NR4A2: variants seen among roughly 807,000 people sequenced by gnomAD.
NR4A2 encodes the protein NGFI-B/nur77 beta-type transcription factor homolog.
NR4A2 carries 1 observed loss-of-function variant against 50.5 expected under a neutral mutation model. That is an observed-to-expected ratio of 0.02 (90% CI 0.01 to 0.09). The LOEUF (loss-of-function observed/expected upper bound fraction) is 0.09. Among genes scored for constraint, NR4A2 ranks in the 10% least tolerant of loss-of-function variants. The pLI, the probability that NR4A2 is intolerant of heterozygous loss-of-function variation, is 1.00. For missense variants in NR4A2, 613 were observed against 777.3 expected (o/e 0.79, Z 2.51); for synonymous variants, 328 against 309.4 (o/e 1.06, Z -0.63).
intron 1 of NR4A2, chr2:156,331,685 T>C (rs1048008797): frequency 5.3e-5 from 8 of 152,214 alleles, no homozygotes; most frequent in Non-Finnish European, 1.2e-4. Flanking sequence ...GACAATCTTA[T>C]TACTAATGAA....
rs1314596997 is a variant in NR4A2, at chr2:156,328,878, AATG to A, written c.865-348_865-346del. 1.3e-5 allele frequency among the ~76,000 whole-genome samples: 2 copies of A among 152,154 alleles called. No homozygotes were observed. The highest frequency in any genetic ancestry group is 2.4e-5 in the African/African-American group (1 of 41,426). On this transcript the variant is annotated intron_variant, in intron 3 of 7. Transcript: ENST00000339562. The surrounding 1 kb of genome is among the most constrained non-coding windows in gnomAD (Gnocchi z 4.9). ...TTCCTTGGAGACCTTCTCTATTTAA[AATG>A]ATAAGATTATTCAATCAGGATGGCG...
rs1322727614 is a variant in NR4A2 at position 156,324,699 on chromosome 2, TTATG to T, written c.*1041_*1044del. The T allele has an allele frequency of 5.9e-5, 9 of 152,446 alleles. No individual in the cohort carries two copies. Among genetic ancestry groups the T allele is most frequent in the Non-Finnish European group, 1.2e-4 (8 of 67,984 alleles). 9.4% of individuals were successfully genotyped at this position (152,446 alleles called of 1,614,324 possible). On this transcript the variant is annotated 3_prime_UTR_variant, in exon 8 of 8. Transcript: ENST00000339562. ...AAAGTGCTCAGTTATTTCCAGGGAG[TTATG>T]TATATTATAAGCACTCTGGAAACAG...
Position 156,330,164 on chromosome 2 carries a change from T to C in NR4A2, c.23A>G (p.Tyr8Cys), listed in dbSNP as rs372210770. MPCVQAQ[Y>C]GSSPQGASPA... is the part of the protein sequence containing the mutation. Reference sequence around the variant, plus strand: ...GCTGGCTCCTTGAGGCGAGGACCCATACTGCGCCTGAACACAAGGCATGGC... The same window carrying C: ...GCTGGCTCCTTGAGGCGAGGACCCACACTGCGCCTGAACACAAGGCATGGC... The change falls in exon 3 of 8, where the codon TAT becomes TGT. Residue 8 changes from tyrosine (Y) to cysteine (C), a missense_variant. This residue lies in a region of NR4A2 where 61 missense variants were observed against 96.4 expected (regional missense o/e 0.63). Transcript: ENST00000339562. 3.1e-6 allele frequency: 5 copies of C among 1,613,996 alleles called. No individual in the cohort carries two copies. The highest frequency in any genetic ancestry group is 1.7e-5 in the Admixed American group (1 of 59,994).
intron 2 of NR4A2, 136 bp from the exon 3 acceptor site, chr2:156,330,324 A>C: frequency 1.9e-6 from 2 of 1,032,320 alleles, no homozygotes; most frequent in Non-Finnish European, 2.9e-6. Flanking sequence ...GAAAGGCAGG[A>C]GAGAGAGAAT....
At position 156,329,720 on chromosome 2, in the gene NR4A2, T is replaced by A. The variant is rs554983764; in HGVS notation, c.467A>T (p.Tyr156Phe). 6.2e-7 allele frequency: 1 copy of A among 1,613,960 alleles called. No homozygotes were observed. Among genetic ancestry groups the A allele is most frequent in the South Asian group, 1.1e-5 (1 of 91,078 alleles). ...CTCGATCATGTGCGTAGTGGCCACG[T>A]AGTTCTGGTGGAAGTTGTGGAGAGA... is the stretch of plus-strand genomic sequence containing the variant. The part of the protein sequence containing the change: ...PGSLHNFHQN[Y>F]VATTHMIEQR... Residue 156 changes from tyrosine to phenylalanine, a missense_variant, in exon 3 of 8, where the codon TAC (tyrosine) becomes TTC (phenylalanine). By Grantham distance (22) the Tyr-to-Phe change is conservative. This residue lies in a region of NR4A2 where 275 missense variants were observed against 248.9 expected (regional missense o/e 1.10). Transcript: ENST00000339562. The surrounding 1 kb of genome is among the most constrained non-coding windows in gnomAD (Gnocchi z 7.5).
chr2:156,325,749 A>G lies in NR4A2; in HGVS notation c.1792T>C (p.Phe598Leu). 6.2e-7 allele frequency: 1 copy of G among 1,614,120 alleles called. No individual in the cohort carries two copies. The highest frequency in any genetic ancestry group is 8.5e-7 in the Non-Finnish European group (1 of 1,180,038). ...IDKLFLDTLP[F>L] Reference sequence around the variant, plus strand: ...GAAGTGCTTGGGAGGAGGTCTTAGAAAGGTAAAGTGTCCAGGAAAAGTTTG... The same window carrying G: ...GAAGTGCTTGGGAGGAGGTCTTAGAGAGGTAAAGTGTCCAGGAAAAGTTTG... Residue 598 changes from phenylalanine to leucine, a missense_variant, in exon 8 of 8, where the codon TTC (phenylalanine) becomes CTC (leucine). This residue lies in a region of NR4A2 where 250 missense variants were observed against 311.3 expected (regional missense o/e 0.80). Transcript: ENST00000339562.
At position 156,328,083 on chromosome 2, in the gene NR4A2, C is replaced by G; in HGVS notation, c.995-69G>C. On this transcript the variant is annotated intron_variant, in intron 4 of 7. Transcript: ENST00000339562. The surrounding 1 kb of genome is among the most constrained non-coding windows in gnomAD (Gnocchi z 4.9). ...GCCCAGCTGCTGCCTCGGTCCCTCC[C>G]CGGGGAAGGCCGCAGCCGCGGGGCA... 6.4e-7 allele frequency: 1 copy of G among 1,554,056 alleles called. No individual in the cohort carries two copies. The highest frequency in any genetic ancestry group is 8.7e-7 in the Non-Finnish European group (1 of 1,147,062).
At position 156,326,388 on chromosome 2, in the gene NR4A2, T is replaced by A; in HGVS notation, c.1362-60A>T. 1.4e-6 allele frequency: 2 copies of A among 1,456,276 alleles called. No homozygotes were observed. Among genetic ancestry groups the A allele is most frequent in the Non-Finnish European group, 1.9e-6 (2 of 1,036,774 alleles). 90.2% of individuals were successfully genotyped at this position (1,456,276 alleles called of 1,614,324 possible). ...AAGAGAGAGAGAAAAGCTAAACAAC[T>A]AATTACTTGAAGAGCAATAAATGAG... On this transcript the variant is annotated intron_variant, in intron 6 of 7. Transcript: ENST00000339562. This position sits in a 1 kb window ranked among gnomAD's most constrained non-coding sequence, Gnocchi z 4.2.
chr2:156,326,260 C>G lies in NR4A2; in HGVS notation c.1430G>C (p.Arg477Pro). The change falls in exon 7 of 8, where the codon CGT (arginine) becomes CCT (proline). Residue 477 changes from arginine (R) to proline (P), a missense_variant. This residue lies in a region of NR4A2 where 250 missense variants were observed against 311.3 expected (regional missense o/e 0.80). Transcript: ENST00000339562. The surrounding 1 kb of genome is among the most constrained non-coding windows in gnomAD (Gnocchi z 4.2). ...GVVLHRLQCV[R>P]GFGEWIDSIV... The stretch of plus-strand genomic sequence containing the variant: ...GGAATCAATCCATTCCCCAAAGCCA[C>G]GAACGCATTGCAACCTGTGCAAGAC... 1 of 1,614,182 alleles carries G rather than the reference C, an allele frequency of 6.2e-7. No individual in the cohort carries two copies. Among genetic ancestry groups the G allele is most frequent in the Non-Finnish European group, 8.5e-7 (1 of 1,180,020 alleles).
Position 156,329,482 on chromosome 2 carries a change from C to T in NR4A2, c.705G>A (p.Leu235=). ...RKPASMGFPG[L]QIGHASQLLD... ...GCAGCTGAGACGCGTGGCCGATCTG[C>T]AGGCCCGGGAAGCCCATGGACGCGG... Residue 235 remains leucine, a synonymous_variant, in exon 3 of 8, where the codon CTG becomes CTA. Transcript: ENST00000339562. This position sits in a 1 kb window ranked among gnomAD's most constrained non-coding sequence, Gnocchi z 7.5. The T allele has an allele frequency of 6.2e-7, 1 of 1,606,540 alleles. No homozygotes were observed.
intron 1 of NR4A2, among the ~76,000 whole-genome samples, chr2:156,332,159 C>T (rs1686959919): frequency 6.6e-6 from 1 of 152,184 alleles, no homozygotes; most frequent in Non-Finnish European, 1.5e-5. Flanking sequence ...CAATCAATTC[C>T]TCACTAACAG....
At chr2:156,332,436 A>C in intron 1 of NR4A2, 44 bp downstream of exon 1, 1 of 1,280,144 alleles carries the variant, frequency 7.8e-7, no homozygotes, top group Non-Finnish European at 1.0e-6. Context: ...AAAAGAAGGA[A>C]AAAGCATAAA....
chr2:156,330,433 T>C (rs1196329878), intron 2 of NR4A2, among the ~76,000 whole-genome samples: 1 of 151,430 alleles, frequency 6.6e-6, no homozygotes, highest in African/African-American at 2.4e-5. Flanking sequence ...TTTCCAAACA[T>C]CTCCCTCATA....
rs142345639 is a variant in NR4A2 at position 156,326,195 on chromosome 2, C to T, written c.1495G>A (p.Asp499Asn). 18 of 1,614,042 alleles carry T rather than the reference C, an allele frequency of 1.1e-5. No individual in the cohort carries two copies. Among genetic ancestry groups the T allele is most frequent in the South Asian group, 6.6e-5 (6 of 91,086 alleles). The change falls in exon 7 of 8, where the codon GAC becomes AAC. Residue 499 changes from aspartate (D) to asparagine (N), a missense_variant. Asp to Asn is a conservative substitution (Grantham distance 23). Transcript: ENST00000339562. This position sits in a 1 kb window ranked among gnomAD's most constrained non-coding sequence, Gnocchi z 4.2. The stretch of plus-strand genomic sequence containing the variant: ...GCAATGCAGGAGAAGGCAGAAATGT[C>T]GATGTTCATATTCTGCAAGTTGGAG... ...FSSNLQNMNI[D>N]ISAFSCIAAL...
Position 156,326,940 on chromosome 2 carries a change from A to C in NR4A2, c.1159-20T>G, listed in dbSNP as rs774774260. ...CTGGAACTGGAATTTCATTTTAAAA[A>C]GCACTTAATGAGGTTCTCTAAAATA... On this transcript the variant is annotated intron_variant, in intron 5 of 7. Transcript: ENST00000339562. This position sits in a 1 kb window ranked among gnomAD's most constrained non-coding sequence, Gnocchi z 4.2. The C allele has an allele frequency of 6.2e-7, 1 of 1,611,696 alleles. No homozygotes were observed. The highest frequency in any genetic ancestry group is 8.5e-7 in the Non-Finnish European group (1 of 1,177,970).
At position 156,324,904 on chromosome 2, in the gene NR4A2, T is replaced by G. The variant is rs374655069; in HGVS notation, c.*840A>C. ...AGGATTTTCTGATGTGTAATACTTGTGCCCACCTATTTTACAATTGAGAAA... is the reference window on the plus strand; with the variant it reads ...AGGATTTTCTGATGTGTAATACTTGGGCCCACCTATTTTACAATTGAGAAA... On this transcript the variant is annotated 3_prime_UTR_variant, in exon 8 of 8. Coordinates refer to ENST00000339562, the MANE Select transcript of NR4A2 (RefSeq NM_006186.4). 1.6e-4 allele frequency: 24 copies of G among 152,796 alleles called. No individual in the cohort carries two copies. Among genetic ancestry groups the G allele is most frequent in the East Asian group, 7.7e-4 (4 of 5,194 alleles). 9.5% of individuals were successfully genotyped at this position (152,796 alleles called of 1,614,324 possible).
Position 156,326,288 on chromosome 2 carries a change from C to A in NR4A2, c.1402G>T (p.Val468Leu). Residue 468 changes from valine (V) to leucine (L), a missense_variant, in exon 7 of 8, where the codon GTG becomes TTG. Transcript: ENST00000339562. This position sits in a 1 kb window ranked among gnomAD's most constrained non-coding sequence, Gnocchi z 4.2. ...ACGCATTGCAACCTGTGCAAGACCACCCCATTGCAAAAGATGAGTTTACCC... is the reference window on the plus strand; with the variant it reads ...ACGCATTGCAACCTGTGCAAGACCAACCCATTGCAAAAGATGAGTTTACCC... ...VEGKLIFCNG[V>L]VLHRLQCVRG... 1.2e-6 allele frequency: 2 copies of A among 1,614,196 alleles called. No homozygotes were observed. Among genetic ancestry groups the A allele is most frequent in the Non-Finnish European group, 1.7e-6 (2 of 1,180,030 alleles).
Position 156,329,817 on chromosome 2 carries a change from G to A in NR4A2, c.370C>T (p.Pro124Ser). 2 of 1,614,096 alleles carry A rather than the reference G, an allele frequency of 1.2e-6. No homozygotes were observed. Among genetic ancestry groups the A allele is most frequent in the Non-Finnish European group, 1.7e-6 (2 of 1,179,964 alleles). Residue 124 changes from proline (P) to serine (S), a missense_variant, in exon 3 of 8, where the codon CCC (proline) becomes TCC (serine). By Grantham distance (74) the Pro-to-Ser change is moderately conservative. Coordinates refer to ENST00000339562, the MANE Select transcript of NR4A2 (RefSeq NM_006186.4). This position sits in a 1 kb window ranked among gnomAD's most constrained non-coding sequence, Gnocchi z 7.5. ...GTGGTGGGCGTCGGGGGCGAGGAGG[G>A]CTTGTAGTAAACCGACCCGGAGTGC... ...MPHSGSVYYK[P>S]SSPPTPTTPG...
Position 156,325,330 on chromosome 2 carries a change from G to C in NR4A2, c.*414C>G, listed in dbSNP as rs990399014. ...GTCCCCTTAAGATGTGTCTCTGTGT[G>C]TGTGTGTGTGTGTGTATGTGTGTGT... is the stretch of plus-strand genomic sequence containing the variant. On this transcript the variant is annotated 3_prime_UTR_variant, in exon 8 of 8. Transcript: ENST00000339562. 6.7e-5 allele frequency: 17 copies of C among 254,526 alleles called. No homozygotes were observed. Among genetic ancestry groups the C allele is most frequent in the Admixed American group, 1.0e-4 (2 of 19,828 alleles). The allele number at this position is 254,526 out of a possible 1,614,324, so 15.8% of individuals were successfully genotyped here.
Sources: gnomAD v4.1 joint callset for allele counts (sites outside exome capture counted in the v4.1 genomes callset) on GRCh38, gnomAD v4.1.1 for gene constraint, gnomAD v4.1.1 regional missense constraint, Gnocchi (gnomAD v3.1) non-coding constraint, MANE v1.5 for transcripts, NCBI Gene and HGNC (gene_info 2026-07-23, HGNC 2026-07-21) for gene names.